RORA: variants seen among roughly 807,000 people sequenced by gnomAD.
RORA encodes nuclear receptor ROR-alpha.
In RORA, 7 loss-of-function variants were observed where a neutral mutation model predicts 69.5. The observed-to-expected ratio is 0.10, with a 90% CI of 0.06 to 0.19. RORA has a LOEUF of 0.19. RORA is among the 10% of genes least tolerant of loss of function. RORA has a pLI of 1.00. For missense variants in RORA, 457 were observed against 663.0 expected, an observed-to-expected ratio of 0.69 and a Z score of 3.41; for synonymous variants, 261 against 240.8, an observed-to-expected ratio of 1.08 and a Z score of -0.78.
At chr15:60,852,751 AT>A (rs1368237085) in intron 1 of RORA, among the ~76,000 whole-genome samples, 1 of 152,220 alleles carries the variant, frequency 6.6e-6, no homozygotes, top group African/African-American at 2.4e-5. Flanking sequence ...AAACAGTATC[AT>A]CAAGGACAAG....
At position 60,932,193 on chromosome 15, in the gene RORA, A is replaced by G. The variant is rs557521099; in HGVS notation, c.167-253507T>C. ...AATGTCCAAGATTACTAATGAGGGG[A>G]AAATCTGAGGGACCTGAGAAGGTGG... On this transcript the variant is annotated intron_variant, in intron 1 of 10. Transcript: ENST00000335670. 4.8e-4 allele frequency among the ~76,000 whole-genome samples: 73 copies of G among 152,264 alleles called. 1 individual carries two copies. Among genetic ancestry groups the G allele is most frequent in the Non-Finnish European group, 9.4e-4 (64 of 68,024 alleles).
chr15:61,018,812 T>A (rs898480230), intron 1 of RORA, among the ~76,000 whole-genome samples: 4 of 152,086 alleles, frequency 2.6e-5, no homozygotes, highest in African/African-American at 7.2e-5. Flanking sequence ...CAGACACACA[T>A]CCTCATAAAT....
At chr15:60,771,652 T>C (rs766699322) in intron 1 of RORA, among the ~76,000 whole-genome samples, 1 of 152,232 alleles carries the variant, frequency 6.6e-6, no homozygotes, top group Non-Finnish European at 1.5e-5. Flanking sequence ...TCCAGAATGT[T>C]AGCACGAACC....
chr15:60,592,456 T>G, intron 2 of RORA: 1 of 1,391,652 alleles, frequency 7.2e-7, no homozygotes, highest in Non-Finnish European at 9.4e-7. Flanking sequence ...GAGCGGATGG[T>G]CCGACCCCGG....
intron 1 of RORA, among the ~76,000 whole-genome samples, chr15:60,719,036 T>TG (rs772681035): frequency 1.8e-3 from 223 of 121,396 alleles, no homozygotes; most frequent in Middle Eastern, 8.5e-3. Context: ...TGTGTGTGTG[T>TG]GGGGGGGGTG....
intron 1 of RORA, among the ~76,000 whole-genome samples, chr15:60,693,387 CACAAG>C (rs1383066204): frequency 1.3e-5 from 2 of 152,164 alleles, no homozygotes; most frequent in Non-Finnish European, 2.9e-5. Context: ...TGAAAACTGG[CACAAG>C]ACAAGGATGC....
intron 1 of RORA, among the ~76,000 whole-genome samples, chr15:61,168,251 C>T (rs1056814729): frequency 4.0e-5 from 6 of 151,626 alleles, no homozygotes; most frequent in African/African-American, 7.3e-5. Flanking sequence ...TATTTTGAGA[C>T]GGAGTCTTGC....
chr15:60,722,252 A>G (rs2071303577), intron 1 of RORA, among the ~76,000 whole-genome samples: 1 of 152,234 alleles, frequency 6.6e-6, no homozygotes. Context: ...ACATAAGTAC[A>G]TAAAATTCTC....
In RORA at chr15:61,128,217, G is replaced by GTC. The variant is rs2079159967; in HGVS notation, c.166+100835_166+100836insGA. On this transcript the variant is annotated intron_variant, in intron 1 of 10. Coordinates refer to ENST00000335670, the MANE Select transcript of RORA (RefSeq NM_134261.3). This position sits in a 1 kb window ranked among gnomAD's most constrained non-coding sequence, Gnocchi z 4.5. ...TGTGTATGCACACGTGTGTGTGTGT[G>GTC]TGTGTGTCTGTGTGTGAGTGTGTTT... 2.0e-5 allele frequency among the ~76,000 whole-genome samples: 3 copies of GTC among 151,868 alleles called. No homozygotes were observed. The highest frequency in any genetic ancestry group is 1.5e-5 in the Non-Finnish European group (1 of 67,988).
chr15:61,032,992 C>T (rs1231994326), intron 1 of RORA, among the ~76,000 whole-genome samples: 1 of 152,204 alleles, frequency 6.6e-6, no homozygotes, highest in Non-Finnish European at 1.5e-5. Context: ...ACTTACTCCT[C>T]AAACAACTCT....
At chr15:60,604,040 G>C (rs2068883008) in intron 2 of RORA, among the ~76,000 whole-genome samples, 1 of 151,130 alleles carries the variant, frequency 6.6e-6, no homozygotes, top group African/African-American at 2.4e-5. Context: ...GGCTGAGGCA[G>C]GAGAATCGCT....
At chr15:60,737,628 A>G (rs1188480966) in intron 1 of RORA, among the ~76,000 whole-genome samples, 1 of 152,226 alleles carries the variant, frequency 6.6e-6, no homozygotes, top group Non-Finnish European at 1.5e-5. Flanking sequence ...GGGGGCTATA[A>G]GCGTCATGTG....
intron 2 of RORA, among the ~76,000 whole-genome samples, chr15:60,552,340 A>G (rs1265244821): frequency 6.6e-6 from 1 of 152,196 alleles, no homozygotes; most frequent in Non-Finnish European, 1.5e-5. Flanking sequence ...CAGGAAATGA[A>G]AAACCCAAGG....
At chr15:60,696,685 T>C (rs2070911892) in intron 1 of RORA, among the ~76,000 whole-genome samples, 1 of 152,220 alleles carries the variant, frequency 6.6e-6, no homozygotes, top group African/African-American at 2.4e-5. Context: ...ACTCACTTTA[T>C]ATGACCCTTG....
At chr15:61,082,063 T>C (rs1164221597) in intron 1 of RORA, among the ~76,000 whole-genome samples, 2 of 152,156 alleles carry the variant, frequency 1.3e-5, no homozygotes, top group African/African-American at 2.4e-5. Context: ...GTGACAATCA[T>C]ATGTAAAAAT....
intron 1 of RORA, among the ~76,000 whole-genome samples, chr15:60,770,168 C>T (rs1241239345): frequency 1.3e-5 from 2 of 152,142 alleles, no homozygotes; most frequent in Non-Finnish European, 2.9e-5. Context: ...TTTCTGAATG[C>T]TGCCCATTTA....
intron 1 of RORA, among the ~76,000 whole-genome samples, chr15:61,114,609 C>A (rs973051153): frequency 6.6e-6 from 1 of 152,146 alleles, no homozygotes; most frequent in Non-Finnish European, 1.5e-5. Context: ...GTCAGAGATT[C>A]CTTAAGTAAA....
At chr15:60,499,224 A>C (rs191686049) in intron 10 of RORA, among the ~76,000 whole-genome samples, 1 of 152,254 alleles carries the variant, frequency 6.6e-6, no homozygotes, top group Admixed American at 6.5e-5. Flanking sequence ...GTCCTTTATA[A>C]CTTCTTCCTA....
chr15:60,576,442 G>A (rs1263460533), intron 2 of RORA, among the ~76,000 whole-genome samples: 1 of 152,180 alleles, frequency 6.6e-6, no homozygotes, highest in Non-Finnish European at 1.5e-5. Context: ...TAACAAAGAG[G>A]CAGATGGCCC....
Sources: gnomAD v4.1 joint callset for allele counts (sites outside exome capture counted in the v4.1 genomes callset) on GRCh38, gnomAD v4.1.1 for gene constraint, Gnocchi (gnomAD v3.1) non-coding constraint, MANE v1.5 for transcripts, NCBI Gene and HGNC (gene_info 2026-07-23, HGNC 2026-07-21) for gene names.